CDH18: variants seen among roughly 807,000 people sequenced by gnomAD.
CDH18 encodes cadherin 18, also known as cadherin-18.
A neutral mutation model predicts 67.9 loss-of-function variants in CDH18; 31 were observed. The ratio of observed to expected loss-of-function variants is 0.46; its 90% CI spans 0.34 to 0.62. The LOEUF (loss-of-function observed/expected upper bound fraction) is 0.62, where lower values mean the gene tolerates loss of function less well. Among genes scored for constraint, CDH18 ranks in the 20% least tolerant of loss-of-function variants. CDH18 has a pLI of 0.01. For missense variants in CDH18, 890 were observed against 975.5 expected (o/e 0.91, Z 1.17); for synonymous variants, 362 against 347.2 (o/e 1.04, Z -0.48).
chr5:19,676,360 A>G (rs1223214575), intron 5 of CDH18, among the ~76,000 whole-genome samples: 1 of 152,070 alleles, frequency 6.6e-6, no homozygotes, highest in Non-Finnish European at 1.5e-5. Context: ...GTGAGATACT[A>G]TATAAGATGA....
At chr5:19,683,994 T>C (rs1760707334) in intron 5 of CDH18, among the ~76,000 whole-genome samples, 1 of 152,122 alleles carries the variant, frequency 6.6e-6, no homozygotes. Flanking sequence ...GGAAAGATTA[T>C]TGAGCTGCTC....
intron 1 of CDH18, among the ~76,000 whole-genome samples, chr5:20,514,276 T>C (rs529877504): frequency 2.4e-4 from 36 of 152,224 alleles, no homozygotes; most frequent in African/African-American, 7.9e-4. Context: ...GTGTCTGACA[T>C]AGGCACACTG....
chr5:19,673,387 A>T lies in CDH18; in HGVS notation c.643+47960T>A, dbSNP rs1759023501. On this transcript the variant is annotated intron_variant, in intron 5 of 12. Coordinates refer to ENST00000382275, the MANE Select transcript of CDH18 (RefSeq NM_004934.5). ...ATTTTATTAATAAGTCTTGATAATGATAGTTTGGAAATGTTATAGTTCTAG... is the reference window on the plus strand; with the variant it reads ...ATTTTATTAATAAGTCTTGATAATGTTAGTTTGGAAATGTTATAGTTCTAG... Among the ~76,000 whole-genome samples the T allele has an allele frequency of 2.6e-5, 4 of 152,188 alleles. No individual in the cohort carries two copies. In the South Asian group the frequency reaches 8.3e-4, roughly 32 times the overall value.
intron 2 of CDH18, among the ~76,000 whole-genome samples, chr5:20,016,331 G>C (rs553464836): frequency 6.6e-6 from 1 of 152,014 alleles, no homozygotes; most frequent in Non-Finnish European, 1.5e-5. Context: ...GGTTGGAGGA[G>C]GAAGAGGATC....
At chr5:19,786,570 C>T (rs867468833) in intron 3 of CDH18, among the ~76,000 whole-genome samples, 11 of 152,048 alleles carry the variant, frequency 7.2e-5, no homozygotes, top group Non-Finnish European at 1.2e-4. Flanking sequence ...GAGTACTATA[C>T]CTAAAAGATA....
chr5:20,051,782 T>C (rs2150491219), intron 2 of CDH18, among the ~76,000 whole-genome samples: 1 of 152,120 alleles, frequency 6.6e-6, no homozygotes, highest in African/African-American at 2.4e-5. Context: ...GAGAAATAGA[T>C]TCAGGAGTAA....
intron 3 of CDH18, among the ~76,000 whole-genome samples, chr5:19,751,870 G>A (rs1310192002): frequency 1.3e-5 from 2 of 152,184 alleles, no homozygotes; most frequent in African/African-American, 2.4e-5. Flanking sequence ...GACAGACAGA[G>A]CAGGATGTGG....
chr5:20,298,688 A>C (rs755714876), intron 1 of CDH18, among the ~76,000 whole-genome samples: 4 of 152,212 alleles, frequency 2.6e-5, no homozygotes, highest in Non-Finnish European at 4.4e-5. Flanking sequence ...TACTGTTCCA[A>C]AGATAAAGCA....
At chr5:20,311,229 A>G (rs906093389) in intron 1 of CDH18, among the ~76,000 whole-genome samples, 1 of 152,180 alleles carries the variant, frequency 6.6e-6, no homozygotes, top group African/African-American at 2.4e-5. Context: ...ATTGTGGAAG[A>G]CAGTGTGGCG....
intron 8 of CDH18, among the ~76,000 whole-genome samples, chr5:19,557,059 TAC>T (rs1439123878): frequency 2.6e-5 from 4 of 152,024 alleles, no homozygotes; most frequent in African/African-American, 9.7e-5. Flanking sequence ...GAAGGGAAAA[TAC>T]AGTCTTTTTC....
chr5:20,193,972 G>C (rs1322221519), intron 2 of CDH18, among the ~76,000 whole-genome samples: 1 of 152,000 alleles, frequency 6.6e-6, no homozygotes, highest in African/African-American at 2.4e-5. Flanking sequence ...AGCTATTTAT[G>C]ACAAACCCAC....
intron 3 of CDH18, among the ~76,000 whole-genome samples, chr5:19,813,062 T>C (rs1337604943): frequency 6.6e-6 from 1 of 152,036 alleles, no homozygotes; most frequent in African/African-American, 2.4e-5. Context: ...ACACCGCATG[T>C]TCCCACTCAT....
chr5:19,973,245 C>T (rs919191961), intron 2 of CDH18, among the ~76,000 whole-genome samples: 2 of 151,910 alleles, frequency 1.3e-5, no homozygotes, highest in Non-Finnish European at 2.9e-5. Flanking sequence ...AGGCAAATGC[C>T]ACATATAATG....
intron 11 of CDH18, among the ~76,000 whole-genome samples, chr5:19,489,316 T>C (rs970361037): frequency 4.6e-4 from 70 of 150,926 alleles, no homozygotes; most frequent in Middle Eastern, 3.4e-3. Flanking sequence ...GGTGCAATCT[T>C]GGCTCACTGC....
Position 19,473,260 on chromosome 5 carries a change from A to G in CDH18, c.2339T>C (p.Leu780Pro), listed in dbSNP as rs896587980. The change falls in exon 13 of 13, where the codon CTC (leucine) becomes CCC (proline). Residue 780 changes from leucine (L) to proline (P), a missense_variant. Transcript: ENST00000382275. ...TCTTTCAGATTCTATTTCTCCATAG[A>G]GTTCAGCTAACTTTTTAAACTCGGG... ...WGPEFKKLAE[L>P]YGEIESERTT 5.6e-6 allele frequency: 9 copies of G among 1,613,504 alleles called. No homozygotes were observed. The highest frequency in any genetic ancestry group is 7.6e-6 in the Non-Finnish European group (9 of 1,179,752).
intron 2 of CDH18, among the ~76,000 whole-genome samples, chr5:20,102,852 T>G (rs1035937275): frequency 5.3e-5 from 8 of 152,150 alleles, no homozygotes; most frequent in African/African-American, 1.9e-4. Context: ...CATCTGTGAC[T>G]AGAATAATAA....
At chr5:19,995,668 A>G (rs961564718) in intron 2 of CDH18, among the ~76,000 whole-genome samples, 1 of 152,076 alleles carries the variant, frequency 6.6e-6, no homozygotes, top group African/African-American at 2.4e-5. Context: ...GGCATAACAA[A>G]GACTTGGATA....
chr5:19,732,951 G>C (rs1299861997), intron 4 of CDH18, among the ~76,000 whole-genome samples: 1 of 152,072 alleles, frequency 6.6e-6, no homozygotes, highest in Non-Finnish European at 1.5e-5. Flanking sequence ...CTTTTACCAG[G>C]AACCCTCAGA....
At chr5:19,741,222 T>C (rs1025333446) in intron 4 of CDH18, among the ~76,000 whole-genome samples, 1 of 78,936 alleles carries the variant, frequency 1.3e-5, no homozygotes, top group Non-Finnish European at 4.0e-5. Flanking sequence ...TATGTATATA[T>C]ACATGTATAT....
Sources: gnomAD v4.1 joint callset for allele counts (sites outside exome capture counted in the v4.1 genomes callset) on GRCh38, gnomAD v4.1.1 for gene constraint, MANE v1.5 for transcripts, NCBI Gene and HGNC (gene_info 2026-07-23, HGNC 2026-07-21) for gene names.